Variants in AUTS2 observed in about 807,000 individuals in gnomAD.
AUTS2 encodes autism susceptibility gene 2 protein.
AUTS2 carries 17 observed loss-of-function variants against 112.4 expected under a neutral mutation model. The observed-to-expected ratio is 0.15, with a 90% CI of 0.10 to 0.23. AUTS2 has a LOEUF of 0.23. Ranked by LOEUF, AUTS2 falls within the 10% of genes least tolerant of loss-of-function variation. The pLI is 1.00. For synonymous variants in AUTS2, 751 were observed against 702.7 expected (o/e 1.07, Z -1.09); for missense variants, 1,510 against 1,701.6 (o/e 0.89, Z 1.98).
chr7:70,783,202 T>C (rs1302055867), intron 15 of AUTS2: 1 of 152,244 alleles, frequency 6.6e-6, no homozygotes, highest in Non-Finnish European at 1.5e-5. Flanking sequence ...CAAAATTTTA[T>C]TTAGCTGACA....
chr7:70,408,919 G>A (rs552143697), intron 4 of AUTS2, among the ~76,000 whole-genome samples: 3 of 152,308 alleles, frequency 2.0e-5, no homozygotes, highest in Non-Finnish European at 4.4e-5. Flanking sequence ...CCAACCTAAA[G>A]AGAATTATCT....
At chr7:70,115,860 A>T (rs1274863050) in intron 2 of AUTS2, among the ~76,000 whole-genome samples, 1 of 152,210 alleles carries the variant, frequency 6.6e-6, no homozygotes, top group South Asian at 2.1e-4. Context: ...CAAAGACCAT[A>T]ACAGAGGAGG....
At chr7:69,777,637 A>G (rs184467330) in intron 1 of AUTS2, among the ~76,000 whole-genome samples, 7 of 152,198 alleles carry the variant, frequency 4.6e-5, no homozygotes, top group African/African-American at 1.7e-4. Context: ...CTTTGCATTC[A>G]ATAGGTGACC....
intron 1 of AUTS2, among the ~76,000 whole-genome samples, chr7:69,855,282 A>G (rs726372): frequency 0.35 from 52,993 of 152,020 alleles, 9,702 homozygotes; most frequent in African/African-American, 0.46. Context: ...AACCAATCTT[A>G]TTGTTGTGAA....
intron 5 of AUTS2, among the ~76,000 whole-genome samples, chr7:70,619,014 GGAT>G (rs1423344064): frequency 1.3e-5 from 2 of 152,098 alleles, no homozygotes; most frequent in African/African-American, 4.8e-5. Flanking sequence ...ATGTGCCTAA[GGAT>G]GATATTCTAC....
intron 1 of AUTS2, among the ~76,000 whole-genome samples, chr7:69,887,026 C>T (rs1177396600): frequency 6.6e-6 from 1 of 152,176 alleles, no homozygotes; most frequent in African/African-American, 2.4e-5. Flanking sequence ...AGTCCACCTG[C>T]CTTGGCCTCC....
intron 2 of AUTS2, among the ~76,000 whole-genome samples, chr7:69,992,752 G>T (rs555863798): frequency 1.5e-4 from 23 of 152,258 alleles, no homozygotes; most frequent in African/African-American, 5.1e-4. Flanking sequence ...AGACATGGTG[G>T]TGTGCGCCTG....
rs760379491 is a variant in AUTS2 at position 70,423,727 on chromosome 7, A to ATTAGTTACC, written c.661-12023_661-12015dup. On this transcript the variant is annotated intron_variant, in intron 4 of 18. Transcript: ENST00000342771. Reference sequence around the variant, plus strand: ...GGTTTTTTATCAGTGAAATAAAACTATTAGTTACCTGGAAGATTCTTCTTG... The same window carrying ATTAGTTACC: ...GGTTTTTTATCAGTGAAATAAAACTATTAGTTACCTTAGTTACCTGGAAGATTCTTCTTG... Among the ~76,000 whole-genome samples, 37 of 152,120 alleles carry ATTAGTTACC rather than the reference A, an allele frequency of 2.4e-4. 1 individual carries two copies. The highest frequency in any genetic ancestry group is 4.9e-4 in the Non-Finnish European group (33 of 68,028).
intron 5 of AUTS2, among the ~76,000 whole-genome samples, chr7:70,542,686 G>A (rs1230872639): frequency 6.6e-6 from 1 of 152,220 alleles, no homozygotes; most frequent in Non-Finnish European, 1.5e-5. Context: ...CATGAAGTCA[G>A]TGGGGAAATA....
At chr7:70,580,297 T>G (rs1177499649) in intron 5 of AUTS2, among the ~76,000 whole-genome samples, 1 of 152,204 alleles carries the variant, frequency 6.6e-6, no homozygotes, top group African/African-American at 2.4e-5. Context: ...GGCTGCCTGC[T>G]GAATGGGAAT....
intron 2 of AUTS2, among the ~76,000 whole-genome samples, chr7:69,997,437 G>C (rs181985179): frequency 1.1e-3 from 162 of 152,240 alleles, no homozygotes; most frequent in Admixed American, 2.3e-3. Context: ...GAATCCTTTT[G>C]AAATATAGAC....
Position 70,610,423 on chromosome 7 carries a change from CTTTTTTTTTT to C in AUTS2, c.691-88126_691-88117del, listed in dbSNP as rs3054735. Reference sequence around the variant, plus strand: ...ATTCTCACCAAAACTTAGCGCTCATCTTTTTTTTTTTTTTTTTTTTTTTTTTTTTCCTGAC... The same window carrying C: ...ATTCTCACCAAAACTTAGCGCTCATCTTTTTTTTTTTTTTTTTTTCCTGAC... On this transcript the variant is annotated intron_variant, in intron 5 of 18. Coordinates refer to ENST00000342771, the MANE Select transcript of AUTS2 (RefSeq NM_015570.4). Among the ~76,000 whole-genome samples the C allele has an allele frequency of 7.9e-4, 61 of 77,446 alleles. 1 individual carries two copies. The highest frequency in any genetic ancestry group is 2.2e-3 in the African/African-American group (44 of 19,924). The allele number at this position is 77,446 out of a possible 152,430, so 50.8% of individuals were successfully genotyped here. A position where few individuals can be genotyped will look rare whatever the true frequency, so the allele number is the denominator to read the frequency against.
At chr7:70,185,999 C>G (rs1809584255) in intron 4 of AUTS2, among the ~76,000 whole-genome samples, 1 of 152,106 alleles carries the variant, frequency 6.6e-6, no homozygotes, top group African/African-American at 2.4e-5. Flanking sequence ...GAAATATGGT[C>G]CATTTTGAAA....
At chr7:70,703,870 G>T (rs1809595520) in intron 6 of AUTS2, among the ~76,000 whole-genome samples, 1 of 152,176 alleles carries the variant, frequency 6.6e-6, no homozygotes, top group Admixed American at 6.5e-5. Context: ...AGATAGAGAT[G>T]TCTGGAGAGT....
At chr7:70,419,914 G>A (rs544833269) in intron 4 of AUTS2, among the ~76,000 whole-genome samples, 3 of 152,090 alleles carry the variant, frequency 2.0e-5, no homozygotes, top group East Asian at 1.9e-4. Context: ...TTCCTCTTCC[G>A]TGAATTGACC....
At chr7:70,516,671 C>T in intron 5 of AUTS2, among the ~76,000 whole-genome samples, 1 of 152,280 alleles carries the variant, frequency 6.6e-6, no homozygotes, top group Middle Eastern at 3.4e-3. Flanking sequence ...AAACTCCAGG[C>T]ACATCAGAGG....
intron 4 of AUTS2, among the ~76,000 whole-genome samples, chr7:70,289,823 A>G (rs911249222): frequency 1.3e-5 from 2 of 152,222 alleles, no homozygotes; most frequent in African/African-American, 2.4e-5. Context: ...AATAATAGTA[A>G]TTGGATGTTA....
chr7:69,824,002 A>G (rs538792845), intron 1 of AUTS2, among the ~76,000 whole-genome samples: 5 of 152,242 alleles, frequency 3.3e-5, no homozygotes, highest in African/African-American at 9.6e-5. Context: ...TTCATCTATA[A>G]AATAGGGTTA....
At chr7:70,649,383 G>T (rs1806358852) in intron 5 of AUTS2, among the ~76,000 whole-genome samples, 1 of 152,106 alleles carries the variant, frequency 6.6e-6, no homozygotes, top group South Asian at 2.1e-4. Context: ...CTGGCAGAGT[G>T]AGACCCTGTC....
Sources: allele counts gnomAD v4.1 joint callset (sites outside exome capture counted in the v4.1 genomes callset), GRCh38; gene constraint gnomAD v4.1.1; transcripts MANE v1.5; gene names NCBI Gene and HGNC (gene_info 2026-07-23, HGNC 2026-07-21).